PRIM2: variants seen among roughly 807,000 people sequenced by gnomAD.
The protein encoded by PRIM2 is DNA primase large subunit.
A neutral mutation model predicts 67.3 loss-of-function variants in PRIM2; 39 were observed. The observed-to-expected ratio is 0.58, with a 90% CI of 0.45 to 0.76. The LOEUF is 0.76. Among genes scored for constraint, PRIM2 ranks in the 30% least tolerant of loss-of-function variants. The pLI, the probability that PRIM2 is intolerant of heterozygous loss-of-function variation, is 0.00. For missense variants in PRIM2, 398 were observed against 598.7 expected (o/e 0.66, Z 3.50); for synonymous variants, 143 against 198.7 (o/e 0.72, Z 2.36).
At chr6:57,272,640 T>C in the PRIM2 span, among the ~76,000 whole-genome samples, 7 of 152,298 alleles carry the variant, frequency 4.6e-5, no homozygotes, top group South Asian at 1.5e-3. Flanking sequence ...AAAGTTAATA[T>C]TGTTATGTGT....
At chr6:57,235,926 G>A in the PRIM2 span, among the ~76,000 whole-genome samples, 1 of 152,198 alleles carries the variant, frequency 6.6e-6, no homozygotes, top group East Asian at 1.9e-4. Flanking sequence ...AGTTGGAAGA[G>A]CCAAGCACAA....
chr6:57,416,774 T>A (rs550861577), intron 7 of PRIM2, among the ~76,000 whole-genome samples: 2 of 152,282 alleles, frequency 1.3e-5, no homozygotes, highest in South Asian at 4.1e-4. Context: ...TCCTTAAACC[T>A]CATGGACCCA....
intron 5 of PRIM2, among the ~76,000 whole-genome samples, chr6:57,333,820 C>G (rs1275509474): frequency 6.6e-6 from 1 of 151,952 alleles, no homozygotes; most frequent in African/African-American, 2.4e-5. Context: ...TATGTATTCA[C>G]TGTAAAATAT....
At chr6:57,582,677 A>C (rs1776116744) in intron 10 of PRIM2, among the ~76,000 whole-genome samples, 1 of 152,124 alleles carries the variant, frequency 6.6e-6, no homozygotes, top group Admixed American at 6.6e-5. Context: ...CCCTTGAAGC[A>C]ACTGAGTGAC....
At chr6:57,384,661 G>A (rs965839059) in intron 7 of PRIM2, among the ~76,000 whole-genome samples, 9 of 152,136 alleles carry the variant, frequency 5.9e-5, no homozygotes, top group African/African-American at 2.2e-4. Flanking sequence ...CTGAGAGTCA[G>A]TGTGTTCCTG....
intron 7 of PRIM2, among the ~76,000 whole-genome samples, chr6:57,452,940 T>A (rs1219024816): frequency 7.2e-5 from 11 of 152,226 alleles, no homozygotes; most frequent in African/African-American, 2.4e-4. Flanking sequence ...AAGTCTTTAA[T>A]CCATCTTGAA....
intron 13 of PRIM2, among the ~76,000 whole-genome samples, chr6:57,643,542 A>G (rs1384690874): frequency 1.3e-5 from 2 of 152,352 alleles, no homozygotes; most frequent in Admixed American, 6.5e-5. Flanking sequence ...CTCTGTTTAC[A>G]AACTATTTTA....
At chr6:57,618,540 T>C (rs1776792836) in intron 12 of PRIM2, among the ~76,000 whole-genome samples, 1 of 152,152 alleles carries the variant, frequency 6.6e-6, no homozygotes, top group Non-Finnish European at 1.5e-5. Flanking sequence ...TTGGGCAGTT[T>C]TCAAGCCTGC....
intron 5 of PRIM2, among the ~76,000 whole-genome samples, chr6:57,332,790 A>T (rs1768095874): frequency 6.6e-6 from 1 of 151,424 alleles, no homozygotes; most frequent in African/African-American, 2.4e-5. Flanking sequence ...TAAATATCAT[A>T]TAGTTGGATC....
chr6:57,435,737 A>C (rs1771989951), intron 7 of PRIM2, among the ~76,000 whole-genome samples: 1 of 152,212 alleles, frequency 6.6e-6, no homozygotes, highest in South Asian at 2.1e-4. Context: ...ATTGTCAAAG[A>C]TAAACATAAC....
At chr6:57,432,438 T>G (rs1771869430) in intron 7 of PRIM2, among the ~76,000 whole-genome samples, 2 of 152,150 alleles carry the variant, frequency 1.3e-5, no homozygotes, top group African/African-American at 4.8e-5. Context: ...ACGGGCACTA[T>G]TAAACCTAAA....
the PRIM2 span, among the ~76,000 whole-genome samples, chr6:57,280,916 A>G: frequency 6.6e-6 from 1 of 152,024 alleles, no homozygotes; most frequent in Admixed American, 6.6e-5. Flanking sequence ...AAATACATTT[A>G]TATTCTTTTT....
At chr6:57,240,278 T>A in the PRIM2 span, among the ~76,000 whole-genome samples, 1 of 152,000 alleles carries the variant, frequency 6.6e-6, no homozygotes. Flanking sequence ...AAATTTGTAT[T>A]TTTAGTAGAG....
In PRIM2 at chr6:57,641,708, G is replaced by T. The variant is rs1339098400; in HGVS notation, c.1300-4220G>T. Among the ~76,000 whole-genome samples, 210 of 152,232 alleles carry T rather than the reference G, an allele frequency of 1.4e-3. 4 individuals carry two copies. In the East Asian group the frequency reaches 0.019, roughly 14 times the overall value. ...TACCATCTCATGCCAGTTAGAATGG[G>T]GGTCATTAAAAAGTCAGGAAACAAC... is the stretch of plus-strand genomic sequence containing the variant. On this transcript the variant is annotated intron_variant, in intron 13 of 13. Coordinates refer to ENST00000615550, the MANE Select transcript of PRIM2 (RefSeq NM_000947.5).
At chr6:57,487,680 CA>C (rs1185148104) in intron 7 of PRIM2, among the ~76,000 whole-genome samples, 3 of 151,968 alleles carry the variant, frequency 2.0e-5, no homozygotes, top group African/African-American at 7.3e-5. Flanking sequence ...TTTAAAGAAG[CA>C]AATTGAACAC....
At chr6:57,431,956 A>T (rs1471274754) in intron 7 of PRIM2, among the ~76,000 whole-genome samples, 3 of 152,196 alleles carry the variant, frequency 2.0e-5, no homozygotes, top group African/African-American at 7.2e-5. Context: ...AGTGAAACTG[A>T]AGCAGTCTTC....
intron 5 of PRIM2, among the ~76,000 whole-genome samples, chr6:57,357,393 C>T (rs1464462677): frequency 6.6e-6 from 1 of 152,192 alleles, no homozygotes; most frequent in Non-Finnish European, 1.5e-5. Context: ...CCTCCCTAGC[C>T]TCATCTCTTA....
intron 12 of PRIM2, among the ~76,000 whole-genome samples, chr6:57,621,480 A>AT (rs1226639518): frequency 1.3e-5 from 2 of 151,420 alleles, no homozygotes; most frequent in Admixed American, 6.6e-5. Context: ...TTTTTGATGT[A>AT]TTTTTTTCTC....
intron 7 of PRIM2, among the ~76,000 whole-genome samples, chr6:57,433,704 T>G (rs1771907723): frequency 6.6e-6 from 1 of 152,196 alleles, no homozygotes; most frequent in African/African-American, 2.4e-5. Flanking sequence ...GGTTAAATTA[T>G]TCAAGACACT....
Sources: allele counts gnomAD v4.1 joint callset (sites outside exome capture counted in the v4.1 genomes callset), GRCh38; gene constraint gnomAD v4.1.1; transcripts MANE v1.5; gene names NCBI Gene and HGNC (gene_info 2026-07-23, HGNC 2026-07-21).